Variants in BCR observed in about 807,000 individuals in gnomAD.
BCR encodes the protein BCR activator of RhoGEF and GTPase.
BCR carries 58 observed loss-of-function variants against 138.6 expected under a neutral mutation model. That is an observed-to-expected ratio of 0.42 (90% CI 0.34 to 0.52). The LOEUF (loss-of-function observed/expected upper bound fraction) is 0.52, where lower values mean the gene tolerates loss of function less well. Among genes scored for constraint, BCR ranks in the 20% least tolerant of loss-of-function variants. The pLI, the probability that BCR is intolerant of heterozygous loss-of-function variation, is 0.06. For synonymous variants in BCR, 786 were observed against 730.1 expected (o/e 1.08, Z -1.23); for missense variants, 1,599 against 1,727.2 (o/e 0.93, Z 1.32).
At chr22:23,224,130 C>T (rs1440607896) in intron 1 of BCR, among the ~76,000 whole-genome samples, 1 of 152,228 alleles carries the variant, frequency 6.6e-6, no homozygotes, top group Non-Finnish European at 1.5e-5. Flanking sequence ...GCAGATCTCT[C>T]GACTGTGGCC....
At chr22:23,241,207 G>A (rs768579640) in intron 1 of BCR, among the ~76,000 whole-genome samples, 4 of 152,224 alleles carry the variant, frequency 2.6e-5, no homozygotes, top group Admixed American at 1.3e-4. Flanking sequence ...GCCCAAGACC[G>A]AGATGGGGGA....
At chr22:23,188,778 CT>C (rs1555960051) in intron 1 of BCR, among the ~76,000 whole-genome samples, 1 of 151,674 alleles carries the variant, frequency 6.6e-6, no homozygotes, top group Non-Finnish European at 1.5e-5. Context: ...TTTTTTTCCC[CT>C]TTTGAAAAGT....
intron 1 of BCR, among the ~76,000 whole-genome samples, chr22:23,200,381 C>T (rs567590890): frequency 3.3e-5 from 5 of 152,074 alleles, no homozygotes; most frequent in Admixed American, 2.6e-4. Context: ...GTGGCACACT[C>T]ACAACTCACT....
chr22:23,259,085 G>A (rs1223719897), intron 2 of BCR, among the ~76,000 whole-genome samples: 1 of 152,282 alleles, frequency 6.6e-6, no homozygotes, highest in African/African-American at 2.4e-5. Context: ...AGTGGCCAGG[G>A]AGTAGGCGGG....
chr22:23,316,856 A>G lies in BCR; in HGVS notation c.*1334A>G, dbSNP rs3876065. ...GCTCAAAGAAAACAGAAGCATGGAG[A>G]CCGCCAAGTATTTTCAAGAAATAAC... On this transcript the variant is annotated 3_prime_UTR_variant, in exon 23 of 23. Transcript: ENST00000305877. 49,363 of 86,244 alleles carry G rather than the reference A, an allele frequency of 0.57. 18,164 individuals carry two copies. The highest frequency in any genetic ancestry group is 0.77 in the African/African-American group (10,811 of 14,130). 5.3% of individuals were successfully genotyped at this position (86,244 alleles called of 1,614,324 possible).
chr22:23,279,752 A>G (rs1288466531), intron 8 of BCR, among the ~76,000 whole-genome samples: 1 of 152,216 alleles, frequency 6.6e-6, no homozygotes, highest in African/African-American at 2.4e-5. Context: ...TACCTGGGGA[A>G]GTTTTCCAGC....
chr22:23,233,813 G>GA lies in BCR; in HGVS notation c.1280-19975dup, dbSNP rs59148522. Among the ~76,000 whole-genome samples, 982 of 142,808 alleles carry GA rather than the reference G, an allele frequency of 6.9e-3. 17 individuals are homozygous for GA. Among genetic ancestry groups the GA allele is most frequent in the African/African-American group, 0.024 (940 of 38,732 alleles). The allele number at this position is 142,808 out of a possible 152,430, so 93.7% of individuals were successfully genotyped here. On this transcript the variant is annotated intron_variant, in intron 1 of 22. Coordinates refer to ENST00000305877, the MANE Select transcript of BCR (RefSeq NM_004327.4). ...TCAAAAAAAAAAAAAAGAAAAAAAAGAAAAAAAAAAAGAAGAACATGGTGA... is the reference window on the plus strand; with the variant it reads ...TCAAAAAAAAAAAAAAGAAAAAAAAGAAAAAAAAAAAAGAAGAACATGGTGA...
intron 4 of BCR, chr22:23,263,874 A>G (rs2073403269): frequency 5.2e-6 from 5 of 963,344 alleles, no homozygotes; most frequent in African/African-American, 4.8e-5. Flanking sequence ...GTCTGTTGCT[A>G]TCAGGCCATT....
At chr22:23,191,616 C>T (rs1356436593) in intron 1 of BCR, among the ~76,000 whole-genome samples, 1 of 152,138 alleles carries the variant, frequency 6.6e-6, no homozygotes, top group Non-Finnish European at 1.5e-5. Context: ...GCTGTAGTGT[C>T]CTGCAGGATG....
intron 13 of BCR, 50 bp from the exon 14 acceptor site, chr22:23,290,289 C>T (rs1276474696): frequency 6.4e-7 from 1 of 1,558,834 alleles, no homozygotes; most frequent in Non-Finnish European, 8.8e-7. Flanking sequence ...TTGTCACCTG[C>T]CTCCCTTTCC....
intron 18 of BCR, among the ~76,000 whole-genome samples, chr22:23,310,828 G>A (rs1385021666): frequency 2.0e-5 from 3 of 152,046 alleles, no homozygotes; most frequent in African/African-American, 7.2e-5. Flanking sequence ...GAATTCATTT[G>A]CTTCCCCAGG....
At chr22:23,218,932 T>TG (rs1222699581) in intron 1 of BCR, among the ~76,000 whole-genome samples, 1 of 152,238 alleles carries the variant, frequency 6.6e-6, no homozygotes, top group African/African-American at 2.4e-5. Context: ...AGCCCGGCCC[T>TG]GCTCAGGGAG....
intron 1 of BCR, among the ~76,000 whole-genome samples, chr22:23,236,179 C>T (rs2073020792): frequency 6.6e-6 from 1 of 152,176 alleles, no homozygotes; most frequent in East Asian, 1.9e-4. Flanking sequence ...GTGGCCTCCA[C>T]GTACCTTCTG....
chr22:23,214,306 T>C (rs2072723617), intron 1 of BCR, among the ~76,000 whole-genome samples: 1 of 152,140 alleles, frequency 6.6e-6, no homozygotes, highest in Non-Finnish European at 1.5e-5. Context: ...CAATAATTGT[T>C]TTCAAATGGT....
intron 1 of BCR, among the ~76,000 whole-genome samples, chr22:23,194,296 C>G (rs576991680): frequency 6.6e-6 from 1 of 152,264 alleles, no homozygotes; most frequent in South Asian, 2.1e-4. Flanking sequence ...ACCTACTTTT[C>G]AGATGGTCTT....
At chr22:23,254,053 G>A (rs568592995) in intron 2 of BCR, 73 bp downstream of exon 2, 3 of 1,470,694 alleles carry the variant, frequency 2.0e-6, no homozygotes, top group Admixed American at 2.3e-5. Flanking sequence ...ATGCTCAGGG[G>A]TATGTAGCAG....
intron 2 of BCR, among the ~76,000 whole-genome samples, chr22:23,260,509 C>T (rs112923236): frequency 0.034 from 5,244 of 152,218 alleles, 317 homozygotes; most frequent in African/African-American, 0.12. Context: ...GTGAGGCGGG[C>T]CCCAGGTGAG....
intron 1 of BCR, among the ~76,000 whole-genome samples, chr22:23,237,578 G>T (rs1016249478): frequency 2.0e-5 from 3 of 152,344 alleles, no homozygotes; most frequent in South Asian, 2.1e-4. Flanking sequence ...GCTGTTTTCT[G>T]TGGCCTGCAG....
At chr22:23,205,349 T>A (rs1322252895) in intron 1 of BCR, among the ~76,000 whole-genome samples, 2 of 152,206 alleles carry the variant, frequency 1.3e-5, no homozygotes, top group East Asian at 3.8e-4. Context: ...GGTGGGCCTG[T>A]CTCAAGGTGC....
Sources: gnomAD v4.1 joint callset for allele counts (sites outside exome capture counted in the v4.1 genomes callset) on GRCh38, gnomAD v4.1.1 for gene constraint, MANE v1.5 for transcripts, NCBI Gene and HGNC (gene_info 2026-07-23, HGNC 2026-07-21) for gene names.